The following ZNF280D variants were observed in gnomAD, a reference collection of about 807,000 sequenced individuals.
The protein encoded by ZNF280D is zinc finger protein 280D.
Under a neutral mutation model 94.7 loss-of-function variants are expected in ZNF280D, and 39 were observed. The observed-to-expected ratio is 0.41, with a 90% confidence interval of 0.32 to 0.54. The LOEUF is 0.54. ZNF280D is among the 20% of genes least tolerant of loss of function. The probability of loss-of-function intolerance (pLI) is 0.22; values close to 1 mark genes in which losing one functional copy is unlikely to be tolerated. For missense variants in ZNF280D, 1,090 were observed against 1,149.3 expected (o/e 0.95, Z 0.75); for synonymous variants, 398 against 377.6 (o/e 1.05, Z -0.63).
At chr15:56,706,917 C>A (rs1300429944) in intron 3 of ZNF280D, among the ~76,000 whole-genome samples, 165 bp downstream of exon 3, 8 of 152,114 alleles carry the variant, frequency 5.3e-5, no homozygotes, top group African/African-American at 1.9e-4. Context: ...CTATTTTACT[C>A]ACTTTTTTAT....
chr15:56,717,943 G>C (rs1232132806), intron 1 of ZNF280D, among the ~76,000 whole-genome samples: 1 of 152,080 alleles, frequency 6.6e-6, no homozygotes, highest in Non-Finnish European at 1.5e-5. Flanking sequence ...ATGAACTCTA[G>C]GTGAGAAAGA....
chr15:56,729,348 T>C (rs2058777855), intron 1 of ZNF280D, among the ~76,000 whole-genome samples: 1 of 152,188 alleles, frequency 6.6e-6, no homozygotes, highest in South Asian at 2.1e-4. Context: ...AAGAACAGCA[T>C]TGAACTTCTG....
Position 56,666,940 on chromosome 15 carries a change from GGTGA to G in ZNF280D, c.1588_1591del (p.Ser530LeufsTer22). 6.2e-7 allele frequency: 1 copy of G among 1,611,760 alleles called. No individual in the cohort carries two copies. The highest frequency in any genetic ancestry group is 8.5e-7 in the Non-Finnish European group (1 of 1,178,838). ...AGCACTTGCACTAATGGAAGGTGTAGGTGAAGCTCCTGATTGCAGAGGTCCAACT... is the reference window on the plus strand; with the variant it reads ...AGCACTTGCACTAATGGAAGGTGTAGAGCTCCTGATTGCAGAGGTCCAACT... On this transcript the variant is annotated frameshift_variant, in exon 15 of 22. Transcript: ENST00000267807. LOFTEE classifies it high-confidence loss of function.
intron 4 of ZNF280D, among the ~76,000 whole-genome samples, chr15:56,702,772 C>T (rs879492601): frequency 1.3e-5 from 2 of 151,952 alleles, no homozygotes; most frequent in African/African-American, 2.4e-5. Flanking sequence ...ATTGAAAATT[C>T]GATTGGTGAA....
chr15:56,632,242 A>T lies in ZNF280D; in HGVS notation c.2316-120T>A, dbSNP rs1181167544. The T allele has an allele frequency of 5.2e-6, 5 of 958,644 alleles. No individual in the cohort carries two copies. In the African/African-American group the frequency reaches 8.3e-5, roughly 16 times the overall value. 59.4% of individuals were successfully genotyped at this position (958,644 alleles called of 1,614,324 possible). A position where few individuals can be genotyped will look rare whatever the true frequency, so the allele number is the denominator to read the frequency against. On this transcript the variant is annotated intron_variant, in intron 21 of 21. Coordinates refer to ENST00000267807, the MANE Select transcript of ZNF280D (RefSeq NM_017661.4). Reference sequence around the variant, plus strand: ...AGGTACATTTGCCCACCAAAAAGGAAAACAGTCCAAGTTCCCAATCCTCGC... The same window carrying T: ...AGGTACATTTGCCCACCAAAAAGGATAACAGTCCAAGTTCCCAATCCTCGC...
intron 17 of ZNF280D, among the ~76,000 whole-genome samples, chr15:56,657,018 C>A (rs1467567460): frequency 5.9e-5 from 9 of 152,150 alleles, no homozygotes; most frequent in Non-Finnish European, 1.3e-4. Flanking sequence ...GGTCTTGAGA[C>A]ATACCATCCC....
chr15:56,689,469 AC>A lies in ZNF280D; in HGVS notation c.500del (p.Gly167ValfsTer2). ...YQGGPTLSMA[G>X]MSESSFLSKR... ...TTGATAAAAATGAACTTTCACTCAT[AC>A]CTACAATAATTTAAATAGTGAGAAA... On this transcript the variant is annotated frameshift_variant and splice_region_variant, in exon 8 of 22. Transcript: ENST00000267807. LOFTEE classifies it high-confidence loss of function. 6.6e-7 allele frequency: 1 copy of A among 1,504,846 alleles called. No individual in the cohort carries two copies. 93.2% of individuals were successfully genotyped at this position (1,504,846 alleles called of 1,614,324 possible). A position where few individuals can be genotyped will look rare whatever the true frequency, so the allele number is the denominator to read the frequency against.
chr15:56,675,516 T>C (rs1278769324), intron 13 of ZNF280D, among the ~76,000 whole-genome samples: 1 of 152,002 alleles, frequency 6.6e-6, no homozygotes, highest in East Asian at 1.9e-4. Flanking sequence ...TTAAATTTTT[T>C]ATAAGTATAC....
intron 16 of ZNF280D, among the ~76,000 whole-genome samples, chr15:56,665,072 G>C (rs1185055721): frequency 6.6e-6 from 1 of 152,094 alleles, no homozygotes; most frequent in Non-Finnish European, 1.5e-5. Flanking sequence ...GAACTTAAAA[G>C]TTGATGTGAA....
Position 56,677,614 on chromosome 15 carries a change from T to A in ZNF280D, c.1223A>T (p.Lys408Met). Reference protein sequence around the residue: ...ETEHVLLQHMKDNHKPGEMPY... With the variant: ...ETEHVLLQHMMDNHKPGEMPY... ...CATTTCACCAGGTTTATGATTGTCC[T>A]TCATATGTTGTAAAAGAACATGTTC... Residue 408 changes from lysine (K) to methionine (M), a missense_variant, in exon 12 of 22, where the codon AAG (lysine) becomes ATG (methionine). Physicochemically the swap from Lys to Met is moderately conservative, Grantham distance 95 (BLOSUM62 -1). Around this residue, in one of 3 missense-constraint regions of ZNF280D, gnomAD observed 127 missense variants for 208.6 expected, o/e 0.61. Coordinates refer to ENST00000267807, the MANE Select transcript of ZNF280D (RefSeq NM_017661.4). The A allele has an allele frequency of 1.2e-6, 2 of 1,610,286 alleles. No homozygotes were observed. The highest frequency in any genetic ancestry group is 1.7e-6 in the Non-Finnish European group (2 of 1,178,200).
rs199680325 is a variant in ZNF280D at position 56,704,134 on chromosome 15, T to C, written c.162A>G (p.Lys54=). 15 of 1,613,616 alleles carry C rather than the reference T, an allele frequency of 9.3e-6. No individual in the cohort carries two copies. Among genetic ancestry groups the C allele is most frequent in the Non-Finnish European group, 1.3e-5 (15 of 1,179,878 alleles). The change falls in exon 4 of 22, where the codon AAA becomes AAG. Residue 54 remains lysine (K), a synonymous_variant. Transcript: ENST00000267807. ...GTAAATGCTTACTTGAAATTGCTGG[T>C]TTTGAACTTGATATCTCGCCAACAA... ...PIFVGEISSS[K]PAISNILNRV... is the part of the protein sequence containing the mutation.
intron 11 of ZNF280D, among the ~76,000 whole-genome samples, chr15:56,678,076 C>T (rs1431255420): frequency 6.6e-6 from 1 of 150,846 alleles, no homozygotes; most frequent in East Asian, 2.0e-4. Context: ...GGCGCAATCT[C>T]GGCTTACTGC....
chr15:56,722,652 T>C (rs1206714412), intron 1 of ZNF280D, among the ~76,000 whole-genome samples: 4 of 152,166 alleles, frequency 2.6e-5, no homozygotes, highest in Non-Finnish European at 5.9e-5. Flanking sequence ...AGTTCAACCA[T>C]TGTGGAAGTC....
At chr15:56,656,553 C>A (rs2053565846) in intron 17 of ZNF280D, among the ~76,000 whole-genome samples, 1 of 152,096 alleles carries the variant, frequency 6.6e-6, no homozygotes. Context: ...TTAATTATTT[C>A]CCTAGATTCA....
At chr15:56,654,083 A>C (rs975291282) in intron 19 of ZNF280D, 115 bp downstream of exon 19, 28 of 1,509,356 alleles carry the variant, frequency 1.9e-5, no homozygotes, top group African/African-American at 7.1e-5. Context: ...TAAAAAAAAA[A>C]CAAAAAAACA....
intron 20 of ZNF280D, among the ~76,000 whole-genome samples, chr15:56,642,050 T>C (rs1450107071): frequency 6.6e-6 from 1 of 151,458 alleles, no homozygotes; most frequent in African/African-American, 2.4e-5. Context: ...ACAAAGACAA[T>C]AAGGGATACT....
chr15:56,711,281 A>C (rs1234647853), intron 1 of ZNF280D, among the ~76,000 whole-genome samples: 1 of 152,216 alleles, frequency 6.6e-6, no homozygotes, highest in Non-Finnish European at 1.5e-5. Context: ...ATTAAATGAG[A>C]TAATATATGT....
chr15:56,723,773 T>C (rs2058493970), intron 1 of ZNF280D, among the ~76,000 whole-genome samples: 1 of 152,232 alleles, frequency 6.6e-6, no homozygotes, highest in South Asian at 2.1e-4. Context: ...GAAATAGATT[T>C]ACTTTATAAG....
intron 17 of ZNF280D, among the ~76,000 whole-genome samples, chr15:56,655,964 T>G (rs1488102452): frequency 6.6e-6 from 1 of 152,200 alleles, no homozygotes. Context: ...TCTATTGAAC[T>G]AGAATGCCCC....
Sources: allele counts gnomAD v4.1 joint callset (sites outside exome capture counted in the v4.1 genomes callset), GRCh38; gene constraint gnomAD v4.1.1; regional missense constraint gnomAD v4.1.1; transcripts MANE v1.5; gene names NCBI Gene and HGNC (gene_info 2026-07-23, HGNC 2026-07-21).